The following CSMD1 variants were observed in gnomAD, a reference collection of about 807,000 sequenced individuals.
CSMD1 encodes the protein CUB and sushi domain-containing protein 1.
A neutral mutation model predicts 417.5 loss-of-function variants in CSMD1; 213 were observed. The ratio of observed to expected loss-of-function variants is 0.51; its 90% CI spans 0.46 to 0.57. The LOEUF (loss-of-function observed/expected upper bound fraction) is 0.57, where lower values mean the gene tolerates loss of function less well. CSMD1 is among the 20% of genes least tolerant of loss of function. The pLI is 0.00. For missense variants in CSMD1, 6,923 were observed against 4,529.7 expected (o/e 1.53, Z -15.17); for synonymous variants, 2,862 against 1,736.8 (o/e 1.65, Z -16.11).
At chr8:3,912,168 C>G (rs2954625) in intron 5 of CSMD1, among the ~76,000 whole-genome samples, 83 of 152,118 alleles carry the variant, frequency 5.5e-4, no homozygotes, top group Non-Finnish European at 8.4e-4. Context: ...CTTCACATTT[C>G]TCATGAATTT....
Position 4,802,364 on chromosome 8 carries a change from T to TGC in CSMD1, c.86-164807_86-164806insGC, listed in dbSNP as rs1344306530. Among the ~76,000 whole-genome samples, 10 of 152,064 alleles carry TGC rather than the reference T, an allele frequency of 6.6e-5. No homozygotes were observed. The South Asian group carries it at 1.7e-3, about 25-fold the overall frequency. ...GAGTGTGTGCGCGCGTGTGTGTGTG[T>TGC]GTGTGTGTGTGTGTAGGGATAGTGA... is the stretch of plus-strand genomic sequence containing the variant. On this transcript the variant is annotated intron_variant, in intron 1 of 69. Transcript: ENST00000635120.
intron 5 of CSMD1, among the ~76,000 whole-genome samples, chr8:3,904,568 A>T (rs1165423097): frequency 6.6e-6 from 1 of 151,840 alleles, no homozygotes; most frequent in Non-Finnish European, 1.5e-5. Flanking sequence ...CACTTTGGAG[A>T]GTTGGGAATT....
chr8:3,190,791 A>C (rs1040266630), intron 33 of CSMD1, among the ~76,000 whole-genome samples: 4 of 152,244 alleles, frequency 2.6e-5, no homozygotes, highest in Non-Finnish European at 5.9e-5. Context: ...TAAAAGAAGA[A>C]ATTCTGCTAT....
chr8:3,601,241 A>G (rs926113000), intron 8 of CSMD1, among the ~76,000 whole-genome samples: 11 of 152,172 alleles, frequency 7.2e-5, no homozygotes, highest in Non-Finnish European at 1.3e-4. Context: ...TTCCAAGAAC[A>G]TTATTTGATG....
chr8:3,420,708 C>T (rs1406677330), intron 12 of CSMD1, among the ~76,000 whole-genome samples: 1 of 152,178 alleles, frequency 6.6e-6, no homozygotes, highest in Non-Finnish European at 1.5e-5. Flanking sequence ...GGTCTTAATA[C>T]CTTTGTCACG....
chr8:4,889,115 G>A (rs1017719822), intron 1 of CSMD1, among the ~76,000 whole-genome samples: 4 of 152,054 alleles, frequency 2.6e-5, no homozygotes, highest in African/African-American at 4.8e-5. Flanking sequence ...TGCAATGTCC[G>A]AAAGTATCAC....
At chr8:3,741,982 T>TC (rs963295891) in intron 6 of CSMD1, among the ~76,000 whole-genome samples, 3 of 151,140 alleles carry the variant, frequency 2.0e-5, no homozygotes, top group African/African-American at 7.3e-5. Context: ...AATCTTGGTT[T>TC]TTTTTTTTTT....
chr8:4,039,270 C>G (rs551579685), intron 3 of CSMD1, among the ~76,000 whole-genome samples: 50 of 152,266 alleles, frequency 3.3e-4, no homozygotes, highest in African/African-American at 1.2e-3. Flanking sequence ...GAAAATATAA[C>G]TCCAAATTCC....
chr8:4,101,464 C>G (rs1379778186), intron 3 of CSMD1, among the ~76,000 whole-genome samples: 4 of 152,170 alleles, frequency 2.6e-5, no homozygotes, highest in African/African-American at 9.7e-5. Context: ...ACTGTCAAAA[C>G]AAAAGGTCTC....
At chr8:3,491,668 C>G (rs1456133603) in intron 11 of CSMD1, among the ~76,000 whole-genome samples, 1 of 152,172 alleles carries the variant, frequency 6.6e-6, no homozygotes, top group Non-Finnish European at 1.5e-5. Context: ...AGGGAATATA[C>G]AGAACAGTTG....
At position 3,201,616 on chromosome 8, in the gene CSMD1, G is replaced by C. The variant is rs975080693; in HGVS notation, c.5094C>G (p.His1698Gln). 6.3e-7 allele frequency: 1 copy of C among 1,591,580 alleles called. No homozygotes were observed. Among genetic ancestry groups the C allele is most frequent in the Non-Finnish European group, 8.6e-7 (1 of 1,166,520 alleles). Residue 1698 changes from histidine (H) to glutamine (Q), a missense_variant, in exon 32 of 70, where the codon CAC becomes CAG. His to Gln is a conservative substitution (Grantham distance 24). Coordinates refer to ENST00000635120, the MANE Select transcript of CSMD1 (RefSeq NM_033225.6). ...GCAAAATTCTTTAAGACTTACCTGAGTGAGACCCCGAGAGTGAGCTGAGAA... is the reference window on the plus strand; with the variant it reads ...GCAAAATTCTTTAAGACTTACCTGACTGAGACCCCGAGAGTGAGCTGAGAA... Reference protein sequence around the residue: ...ARLLSSLSGSHSGETLPLATS... With the variant: ...ARLLSSLSGSQSGETLPLATS...
chr8:4,938,865 G>C (rs1205259765), intron 1 of CSMD1, among the ~76,000 whole-genome samples: 1 of 152,282 alleles, frequency 6.6e-6, no homozygotes, highest in South Asian at 2.1e-4. Context: ...TTACTCAGTG[G>C]TTTTAATTTG....
At chr8:4,850,133 C>G (rs139862456) in intron 1 of CSMD1, among the ~76,000 whole-genome samples, 2 of 152,052 alleles carry the variant, frequency 1.3e-5, no homozygotes, top group Non-Finnish European at 2.9e-5. Flanking sequence ...TGCCTAATAA[C>G]GTCAAAAATC....
At chr8:4,680,354 G>GT (rs995394826) in intron 1 of CSMD1, among the ~76,000 whole-genome samples, 33 of 152,150 alleles carry the variant, frequency 2.2e-4, no homozygotes, top group African/African-American at 8.0e-4. Flanking sequence ...ATTCAACCTC[G>GT]TATCTTTCCC....
intron 5 of CSMD1, among the ~76,000 whole-genome samples, chr8:3,977,829 T>G (rs1320464631): frequency 6.6e-6 from 1 of 152,218 alleles, no homozygotes; most frequent in East Asian, 1.9e-4. Flanking sequence ...CTGTAGGTTT[T>G]CAGCAAGTCA....
chr8:4,546,651 G>A (rs1467659727), intron 2 of CSMD1, among the ~76,000 whole-genome samples: 2 of 152,024 alleles, frequency 1.3e-5, no homozygotes, highest in East Asian at 1.9e-4. Flanking sequence ...GCTGAGTTAC[G>A]CCAATGGCTT....
At chr8:4,750,748 C>A (rs1434436614) in intron 1 of CSMD1, among the ~76,000 whole-genome samples, 5 of 150,958 alleles carry the variant, frequency 3.3e-5, no homozygotes, top group Non-Finnish European at 5.9e-5. Context: ...CGAATTACTT[C>A]CCAAGGAAAA....
intron 39 of CSMD1, 86 bp from the exon 40 acceptor site, chr8:3,151,599 G>A (rs926138227): frequency 7.5e-6 from 6 of 800,562 alleles, no homozygotes; most frequent in Admixed American, 2.3e-5. Context: ...CAACTATGCT[G>A]AGAAAGAGCA....
intron 2 of CSMD1, among the ~76,000 whole-genome samples, chr8:4,460,146 G>T (rs968459930): frequency 6.6e-6 from 1 of 152,090 alleles, no homozygotes; most frequent in Non-Finnish European, 1.5e-5. Context: ...TAAAATGAGT[G>T]AAATTATATA....
Sources: gnomAD v4.1 joint callset for allele counts (sites outside exome capture counted in the v4.1 genomes callset) on GRCh38, gnomAD v4.1.1 for gene constraint, MANE v1.5 for transcripts, NCBI Gene and HGNC (gene_info 2026-07-23, HGNC 2026-07-21) for gene names.